The following RYR3 variants were observed in gnomAD, a reference collection of about 807,000 sequenced individuals.
RYR3 encodes the protein ryanodine receptor 3, also known as brain ryanodine receptor-calcium release channel.
In RYR3, 207 loss-of-function variants were observed where a neutral mutation model predicts 584.3. The observed-to-expected ratio is 0.35, with a 90% CI of 0.32 to 0.40. The LOEUF is 0.40. RYR3 is among the 10% of genes least tolerant of loss of function. The probability of loss-of-function intolerance (pLI) is 1.00; values close to 1 mark genes in which losing one functional copy is unlikely to be tolerated. For missense variants in RYR3, 5,616 were observed against 6,089.2 expected (o/e 0.92, Z 2.59); for synonymous variants, 2,416 against 2,248.5 (o/e 1.07, Z -2.11).
chr15:33,324,905 G>T (rs1969477912), intron 1 of RYR3, among the ~76,000 whole-genome samples: 2 of 152,190 alleles, frequency 1.3e-5, no homozygotes, highest in Non-Finnish European at 2.9e-5. Context: ...GATCTCAGTG[G>T]CTTATAGGAT....
intron 1 of RYR3, among the ~76,000 whole-genome samples, chr15:33,413,132 T>C (rs998906656): frequency 2.0e-5 from 3 of 152,234 alleles, no homozygotes; most frequent in Non-Finnish European, 4.4e-5. Context: ...AATTCTGGCA[T>C]GTATGCTTCT....
intron 1 of RYR3, among the ~76,000 whole-genome samples, chr15:33,367,064 A>G (rs1335004980): frequency 6.6e-6 from 1 of 152,240 alleles, no homozygotes; most frequent in African/African-American, 2.4e-5. Flanking sequence ...GGCATTGCCA[A>G]TGATTGAAGA....
At chr15:33,631,081 A>G (rs2061240430) in intron 22 of RYR3, 129 bp from the exon 23 acceptor site, 3 of 589,394 alleles carry the variant, frequency 5.1e-6, no homozygotes, top group Non-Finnish European at 9.0e-6. Context: ...GGCCCCTTAC[A>G]GAAAAAGTCT....
At chr15:33,630,424 A>G (rs1366996171) in intron 22 of RYR3, among the ~76,000 whole-genome samples, 1 of 152,214 alleles carries the variant, frequency 6.6e-6, no homozygotes. Context: ...CTTCTCCGTG[A>G]TGCTACCCAT....
At chr15:33,755,432 A>G (rs2071722523) in intron 58 of RYR3, among the ~76,000 whole-genome samples, 1 of 152,116 alleles carries the variant, frequency 6.6e-6, no homozygotes, top group African/African-American at 2.4e-5. Flanking sequence ...CATCCTGGCC[A>G]ACATGGTGAA....
At chr15:33,534,028 G>A (rs879270469) in intron 5 of RYR3, among the ~76,000 whole-genome samples, 2 of 152,184 alleles carry the variant, frequency 1.3e-5, no homozygotes, top group Non-Finnish European at 2.9e-5. Flanking sequence ...AAGAGATGTT[G>A]ACAAATATTA....
At chr15:33,732,183 C>A (rs1182153756) in intron 48 of RYR3, among the ~76,000 whole-genome samples, 2 of 151,512 alleles carry the variant, frequency 1.3e-5, no homozygotes, top group Non-Finnish European at 2.9e-5. Context: ...AGATCGAGAC[C>A]ATCCTGGCTA....
chr15:33,645,376 C>A (rs1296402599), intron 28 of RYR3, among the ~76,000 whole-genome samples: 1 of 152,172 alleles, frequency 6.6e-6, no homozygotes, highest in African/African-American at 2.4e-5. Flanking sequence ...CAGCTTTAGT[C>A]AAGTTAGATT....
chr15:33,347,486 G>A (rs565239262), intron 1 of RYR3, among the ~76,000 whole-genome samples: 68 of 148,698 alleles, frequency 4.6e-4, no homozygotes, highest in African/African-American at 1.6e-3. Context: ...TTGCTCTGTC[G>A]CCCAGGCTGG....
chr15:33,416,478 T>G (rs2043817670), intron 1 of RYR3, among the ~76,000 whole-genome samples: 1 of 152,174 alleles, frequency 6.6e-6, no homozygotes, highest in Non-Finnish European at 1.5e-5. Context: ...TTTTCATATA[T>G]TTGGCTATTT....
At chr15:33,473,573 C>A in intron 2 of RYR3, 35 bp downstream of exon 2, 1 of 1,609,366 alleles carries the variant, frequency 6.2e-7, no homozygotes, top group African/African-American at 1.3e-5. Context: ...CCTTCTTCCA[C>A]CTTGGCGTCT....
intron 47 of RYR3, among the ~76,000 whole-genome samples, chr15:33,729,883 G>A (rs1292768218): frequency 2.6e-5 from 4 of 152,104 alleles, no homozygotes; most frequent in African/African-American, 4.8e-5. Flanking sequence ...GGTTGTCAGC[G>A]GCAAATACCT....
At chr15:33,810,335 C>T in intron 70 of RYR3, 144 bp from the exon 71 acceptor site, 2 of 725,248 alleles carry the variant, frequency 2.8e-6, no homozygotes, top group Non-Finnish European at 4.5e-6. Context: ...TTGTTCAACA[C>T]ACTCTTTTCA....
intron 1 of RYR3, among the ~76,000 whole-genome samples, chr15:33,425,937 T>G (rs1032567234): frequency 2.6e-5 from 4 of 152,172 alleles, no homozygotes; most frequent in Non-Finnish European, 4.4e-5. Context: ...CCACCGCGCC[T>G]GGACTGTTTT....
intron 43 of RYR3, among the ~76,000 whole-genome samples, chr15:33,712,707 G>A (rs1455998554): frequency 1.3e-5 from 2 of 152,200 alleles, no homozygotes; most frequent in East Asian, 1.9e-4. Flanking sequence ...ATACTTAGGA[G>A]GAGGAATAGT....
rs536545231 is a variant in RYR3, at chr15:33,393,918, C to T, written c.52-79501C>T. On this transcript the variant is annotated intron_variant, in intron 1 of 103. Transcript: ENST00000634891. ...CTATGATACGATATCTCAATTAGTA[C>T]ATCCAGCAGCCCTATGAGATAGATG... Among the ~76,000 whole-genome samples the T allele has an allele frequency of 5.9e-5, 9 of 152,352 alleles. No homozygotes were observed. The South Asian group carries it at 1.9e-3, about 32-fold the overall frequency.
chr15:33,860,091 CAGGGG>C (rs146973467), intron 100 of RYR3, among the ~76,000 whole-genome samples: 4,928 of 152,150 alleles, frequency 0.032, 156 homozygotes, highest in Non-Finnish European at 0.039. Context: ...CTGGACAGTG[CAGGGG>C]AGGGGAGGGA....
At chr15:33,686,547 A>G (rs558663188) in intron 38 of RYR3, among the ~76,000 whole-genome samples, 2 of 152,332 alleles carry the variant, frequency 1.3e-5, no homozygotes, top group Non-Finnish European at 2.9e-5. Context: ...ATGAATAGAA[A>G]AAGAGGGAAT....
intron 65 of RYR3, among the ~76,000 whole-genome samples, chr15:33,782,275 T>C (rs558479651): frequency 6.6e-6 from 1 of 152,354 alleles, no homozygotes; most frequent in East Asian, 1.9e-4. Context: ...GTCTCTTGCA[T>C]TGTGCTCCTT....
Sources: allele counts gnomAD v4.1 joint callset (sites outside exome capture counted in the v4.1 genomes callset), GRCh38; gene constraint gnomAD v4.1.1; transcripts MANE v1.5; gene names NCBI Gene and HGNC (gene_info 2026-07-23, HGNC 2026-07-21).